The following SLC9B2 variants were observed in gnomAD, a reference collection of about 807,000 sequenced individuals.
SLC9B2 encodes the protein solute carrier family 9 member B2, also known as sodium/hydrogen exchanger 9B2.
Under a neutral mutation model 52.2 loss-of-function variants are expected in SLC9B2, and 39 were observed. The ratio of observed to expected loss-of-function variants is 0.75; its 90% confidence interval spans 0.58 to 0.98. The LOEUF (loss-of-function observed/expected upper bound fraction) is 0.98, where lower values mean the gene tolerates loss of function less well. Among genes scored for constraint, SLC9B2 ranks in the 50% least tolerant of loss-of-function variants. The probability of loss-of-function intolerance (pLI) is 0.00; values close to 1 mark genes in which losing one functional copy is unlikely to be tolerated. For synonymous variants in SLC9B2, 214 were observed against 227.0 expected (o/e 0.94, Z 0.51); for missense variants, 626 against 637.5 (o/e 0.98, Z 0.19).
intron 1 of SLC9B2, among the ~76,000 whole-genome samples, chr4:103,074,143 G>T (rs1746911275): frequency 6.6e-6 from 1 of 152,216 alleles, no homozygotes; most frequent in African/African-American, 2.4e-5. Flanking sequence ...GGCAAGGGAA[G>T]TTGGGATTGT....
intron 3 of SLC9B2, among the ~76,000 whole-genome samples, chr4:103,062,406 G>A (rs550753468): frequency 1.4e-5 from 2 of 147,816 alleles, no homozygotes; most frequent in South Asian, 4.2e-4. Flanking sequence ...GCAACAGAGT[G>A]AGACTCCATC....
intron 1 of SLC9B2, among the ~76,000 whole-genome samples, chr4:103,074,765 CA>C (rs142758702): frequency 0.011 from 1,686 of 152,240 alleles, 30 homozygotes; most frequent in African/African-American, 0.038. Context: ...ACTCATGAAA[CA>C]AAACAACAAC....
At chr4:103,074,353 G>T (rs1386074813) in intron 1 of SLC9B2, among the ~76,000 whole-genome samples, 1 of 152,160 alleles carries the variant, frequency 6.6e-6, no homozygotes, top group Non-Finnish European at 1.5e-5. Flanking sequence ...TGAATATCCT[G>T]TTACTTGCAG....
chr4:103,048,731 T>A (rs971039886), intron 6 of SLC9B2, 162 bp downstream of exon 6: 11 of 906,926 alleles, frequency 1.2e-5, no homozygotes, highest in Non-Finnish European at 1.7e-5. Flanking sequence ...TATTAACACA[T>A]AAACTATGTT....
intron 9 of SLC9B2, chr4:103,042,271 T>G (rs990940163): frequency 6.6e-6 from 1 of 152,118 alleles, no homozygotes; most frequent in Non-Finnish European, 1.5e-5. Flanking sequence ...TTTGAACAGT[T>G]GTCTTCAGGC....
chr4:103,065,179 C>T (rs930568590), intron 3 of SLC9B2, among the ~76,000 whole-genome samples: 3 of 100,836 alleles, frequency 3.0e-5, no homozygotes, highest in Non-Finnish European at 2.0e-5. Context: ...TGTACACACA[C>T]GCACACACAC....
intron 1 of SLC9B2, among the ~76,000 whole-genome samples, chr4:103,071,517 T>A (rs539276439): frequency 1.3e-5 from 2 of 152,064 alleles, no homozygotes; most frequent in African/African-American, 4.8e-5. Context: ...CCTGAGGGAC[T>A]ACAGGCACAT....
At chr4:103,031,096 G>A (rs943303535) in intron 10 of SLC9B2, among the ~76,000 whole-genome samples, 5 of 152,036 alleles carry the variant, frequency 3.3e-5, no homozygotes, top group African/African-American at 9.7e-5. Flanking sequence ...TATGAGAAAA[G>A]GAAAGAATCC....
At chr4:103,051,528 G>C (rs764575866) in intron 4 of SLC9B2, among the ~76,000 whole-genome samples, 6 of 152,200 alleles carry the variant, frequency 3.9e-5, no homozygotes, top group Non-Finnish European at 7.3e-5. Flanking sequence ...TGTGGCAGTG[G>C]TCTTTCTGGA....
intron 4 of SLC9B2, among the ~76,000 whole-genome samples, chr4:103,057,254 A>ATATGTG (rs1304479272): frequency 1.9e-3 from 120 of 64,624 alleles, no homozygotes; most frequent in African/African-American, 0.011. Flanking sequence ...GTATATATAT[A>ATATGTG]TATATATATA....
At chr4:103,057,097 G>A (rs988116741) in intron 4 of SLC9B2, among the ~76,000 whole-genome samples, 2 of 151,958 alleles carry the variant, frequency 1.3e-5, no homozygotes, top group Admixed American at 6.6e-5. Flanking sequence ...GTCACTGAAC[G>A]TGGAGTTGGG....
intron 6 of SLC9B2, 74 bp from the exon 7 acceptor site, chr4:103,047,300 C>T: frequency 2.3e-6 from 3 of 1,295,362 alleles, no homozygotes; most frequent in Non-Finnish European, 2.1e-6. Flanking sequence ...ATGCCCTCCA[C>T]TTTTTAGGGG....
chr4:103,020,743 C>T (rs996312587), downstream of SLC9B2, among the ~76,000 whole-genome samples: 3 of 152,070 alleles, frequency 2.0e-5, no homozygotes, highest in African/African-American at 7.2e-5. Flanking sequence ...TTCAAGCGAT[C>T]CTCCTGCCTC....
In SLC9B2 at chr4:103,022,418, T is replaced by C. The variant is rs557667469; in HGVS notation, c.*3952A>G. On this transcript the variant is annotated 3_prime_UTR_variant, in exon 12 of 12. Transcript: ENST00000394785. ...CCTTTCACCCAACAAATTCAGTTGA[T>C]GATATATCTTTCTGAAAATAATACA... Among the ~76,000 whole-genome samples, 223 of 152,318 alleles carry C rather than the reference T, an allele frequency of 1.5e-3. 2 individuals are homozygous for C. Among genetic ancestry groups the C allele is most frequent in the African/African-American group, 5.3e-3 (219 of 41,566 alleles).
intron 7 of SLC9B2, among the ~76,000 whole-genome samples, chr4:103,045,609 G>A (rs752622790): frequency 1.4e-4 from 20 of 146,714 alleles, no homozygotes; most frequent in African/African-American, 3.0e-4. Context: ...AGGACCACAC[G>A]TAGTTGGTGG....
intron 3 of SLC9B2, among the ~76,000 whole-genome samples, chr4:103,062,314 G>A (rs1388039320): frequency 6.6e-6 from 1 of 151,860 alleles, no homozygotes; most frequent in Non-Finnish European, 1.5e-5. Context: ...AGCTATTCAG[G>A]AGGCTGAGGA....
At chr4:103,076,857 A>C (rs1324943673), upstream of SLC9B2, 1 of 152,248 alleles carries the variant, frequency 6.6e-6, no homozygotes, top group African/African-American at 2.4e-5. Flanking sequence ...CCCGAAACCA[A>C]CCTCTAAGTT....
chr4:103,047,514 G>A (rs1229033334), intron 6 of SLC9B2, among the ~76,000 whole-genome samples: 1 of 150,604 alleles, frequency 6.6e-6, no homozygotes, highest in Non-Finnish European at 1.5e-5. Flanking sequence ...TTTAACATCA[G>A]GTATATCTCC....
At chr4:103,057,273 T>TATATATACACAC (rs1220375909) in intron 4 of SLC9B2, among the ~76,000 whole-genome samples, 14 of 143,280 alleles carry the variant, frequency 9.8e-5, no homozygotes, top group African/African-American at 3.4e-4. Flanking sequence ...TATATATATA[T>TATATATACACAC]ACACACACAC....
Sources: allele counts gnomAD v4.1 joint callset (sites outside exome capture counted in the v4.1 genomes callset), GRCh38; gene constraint gnomAD v4.1.1; transcripts MANE v1.5; gene names NCBI Gene and HGNC (gene_info 2026-07-23, HGNC 2026-07-21).